The following CCDC3 variants were observed in gnomAD, a reference collection of about 807,000 sequenced individuals.
CCDC3 encodes coiled-coil domain-containing protein 3.
In CCDC3, 24 loss-of-function variants were observed where a neutral mutation model predicts 21.4. That is an observed-to-expected ratio of 1.12 (90% CI 0.81 to 1.58). CCDC3 has a LOEUF of 1.58. CCDC3 is among the 40% of genes most tolerant of loss of function. The probability of loss-of-function intolerance (pLI) is 0.00; values close to 1 mark genes in which losing one functional copy is unlikely to be tolerated. For missense variants in CCDC3, 425 were observed against 360.9 expected (o/e 1.18, Z -1.44); for synonymous variants, 186 against 166.0 (o/e 1.12, Z -0.93).
chr10:12,969,229 G>C (rs1009106666), intron 2 of CCDC3, among the ~76,000 whole-genome samples: 8 of 152,048 alleles, frequency 5.3e-5, no homozygotes, highest in Non-Finnish European at 1.2e-4. Flanking sequence ...AATCATCAGG[G>C]AAAAGGAGAT....
At chr10:13,020,913 G>A (rs1201661877) in intron 5 of CCDC3, among the ~76,000 whole-genome samples, 2 of 152,032 alleles carry the variant, frequency 1.3e-5, no homozygotes, top group Non-Finnish European at 2.9e-5. Flanking sequence ...ATAAATATGA[G>A]CACTAGGTAT....
chr10:12,948,206 A>G (rs574199081), intron 2 of CCDC3, among the ~76,000 whole-genome samples: 21 of 152,154 alleles, frequency 1.4e-4, no homozygotes, highest in Non-Finnish European at 2.6e-4. Flanking sequence ...CTGCCACCAC[A>G]TAAGATGTGC....
rs893068762 is a variant in CCDC3, at chr10:13,001,407, G to T, written c.164C>A (p.Ala55Glu). The change falls in exon 1 of 3, where the codon GCG becomes GAG. Residue 55 changes from alanine (A) to glutamate (E), a missense_variant. Coordinates refer to ENST00000378825, the MANE Select transcript of CCDC3 (RefSeq NM_031455.4). ...GGGCAGGTGGTTGTAGAGGCCGGGC[G>T]CCTCGGGGTGCAGCGCCAGCACCCT... ...YARVLALHPE[A>E]PGLYNHLPWQ... 6 of 1,560,640 alleles carry T rather than the reference G, an allele frequency of 3.8e-6. No individual in the cohort carries two copies. The African/African-American group carries it at 5.4e-5, about 14-fold the overall frequency.
At chr10:12,915,544 T>C (rs1042777420) in intron 2 of CCDC3, among the ~76,000 whole-genome samples, 5 of 152,208 alleles carry the variant, frequency 3.3e-5, no homozygotes, top group African/African-American at 4.8e-5. Context: ...GATTTTTCCA[T>C]GATTGTTTTT....
rs1480755339 is a variant in CCDC3 at position 12,998,336 on chromosome 10, A to G, written c.549+2T>C. On this transcript the variant is annotated splice_donor_variant, in intron 2 of 2. Coordinates refer to ENST00000378825, the MANE Select transcript of CCDC3 (RefSeq NM_031455.4). LOFTEE classifies it high-confidence loss of function. ...GTGGCACAGGATTTAGCCAATTCTT[A>G]CCCTACTGTCTTCCTGGATTTCCCA... 1 of 1,613,424 alleles carries G rather than the reference A, an allele frequency of 6.2e-7. No individual in the cohort carries two copies. The highest frequency in any genetic ancestry group is 1.7e-5 in the Admixed American group (1 of 59,906).
At chr10:12,932,016 C>T (rs1482206851) in intron 2 of CCDC3, among the ~76,000 whole-genome samples, 1 of 152,184 alleles carries the variant, frequency 6.6e-6, no homozygotes, top group East Asian at 1.9e-4. Context: ...GTGCAACCTC[C>T]CCTCCTATGG....
chr10:12,928,935 G>C (rs1264311652), intron 2 of CCDC3, among the ~76,000 whole-genome samples: 2 of 152,142 alleles, frequency 1.3e-5, no homozygotes, highest in Non-Finnish European at 2.9e-5. Context: ...TTCACCTGGA[G>C]GTAAGGGTCT....
At chr10:12,959,869 C>T (rs1835152156) in intron 2 of CCDC3, among the ~76,000 whole-genome samples, 1 of 152,062 alleles carries the variant, frequency 6.6e-6, no homozygotes, top group East Asian at 1.9e-4. Flanking sequence ...TAAGGGGTTT[C>T]CTGGCCAGAC....
chr10:12,961,083 T>C (rs368154372), intron 2 of CCDC3, among the ~76,000 whole-genome samples: 26 of 152,210 alleles, frequency 1.7e-4, no homozygotes, highest in East Asian at 1.5e-3. Flanking sequence ...CGAGGTGTCG[T>C]CAGGGAGCAC....
At chr10:12,966,093 G>A (rs1398656993) in intron 2 of CCDC3, among the ~76,000 whole-genome samples, 2 of 152,006 alleles carry the variant, frequency 1.3e-5, no homozygotes, top group South Asian at 2.1e-4. Context: ...CCGTCTGTGG[G>A]CAATAAGCCC....
chr10:13,054,712 G>T (rs1054648400), intron 4 of CCDC3, among the ~76,000 whole-genome samples: 8 of 152,106 alleles, frequency 5.3e-5, no homozygotes, highest in African/African-American at 1.9e-4. Flanking sequence ...TTGTTGCCCA[G>T]GCTGGAGGGC....
chr10:13,086,917 A>G (rs1389258564), intron 3 of CCDC3, among the ~76,000 whole-genome samples: 7 of 152,200 alleles, frequency 4.6e-5, no homozygotes, highest in African/African-American at 1.7e-4. Flanking sequence ...CCCTGGGCTA[A>G]TAACAGTTAA....
chr10:12,977,021 C>G (rs926443154), intron 2 of CCDC3, among the ~76,000 whole-genome samples: 1 of 152,200 alleles, frequency 6.6e-6, no homozygotes, highest in Non-Finnish European at 1.5e-5. Flanking sequence ...CGCCTGTAAT[C>G]CCAGCACTTT....
At chr10:12,920,739 C>G (rs1433007329) in intron 2 of CCDC3, among the ~76,000 whole-genome samples, 2 of 152,130 alleles carry the variant, frequency 1.3e-5, no homozygotes, top group Admixed American at 1.3e-4. Flanking sequence ...TACCATTCTC[C>G]CTGTTTTGTG....
chr10:12,999,691 G>A (rs557322499), intron 1 of CCDC3, among the ~76,000 whole-genome samples: 1 of 152,318 alleles, frequency 6.6e-6, no homozygotes, highest in Non-Finnish European at 1.5e-5. Flanking sequence ...AGAATTGGCT[G>A]AGCACCACGG....
chr10:12,934,861 A>AGGC (rs1237720997), intron 2 of CCDC3, among the ~76,000 whole-genome samples: 1 of 151,932 alleles, frequency 6.6e-6, no homozygotes, highest in East Asian at 1.9e-4. Flanking sequence ...TCAAACTCCT[A>AGGC]GGCTCAATCT....
At chr10:13,095,630 C>A (rs1832621468) in intron 3 of CCDC3, among the ~76,000 whole-genome samples, 2 of 152,208 alleles carry the variant, frequency 1.3e-5, no homozygotes, top group African/African-American at 4.8e-5. Flanking sequence ...CGTTGCTCAC[C>A]TCCTGCTGTT....
At chr10:13,013,981 T>C (rs1180889661) in intron 5 of CCDC3, among the ~76,000 whole-genome samples, 3 of 151,128 alleles carry the variant, frequency 2.0e-5, no homozygotes, top group Non-Finnish European at 4.4e-5. Flanking sequence ...CGAAACCCCA[T>C]CTCTACTGAA....
intron 2 of CCDC3, among the ~76,000 whole-genome samples, chr10:12,978,851 A>C (rs1461449738): frequency 6.6e-6 from 1 of 152,092 alleles, no homozygotes; most frequent in East Asian, 1.9e-4. Flanking sequence ...TTCTTCCTTC[A>C]TTTTTTAATA....
Sources: allele counts gnomAD v4.1 joint callset (sites outside exome capture counted in the v4.1 genomes callset), GRCh38; gene constraint gnomAD v4.1.1; transcripts MANE v1.5; gene names NCBI Gene and HGNC (gene_info 2026-07-23, HGNC 2026-07-21).